The following STAM variants were observed in gnomAD, a reference collection of about 807,000 sequenced individuals.
The protein encoded by STAM is signal transducing adaptor molecule, also known as signal transducing adapter molecule 1.
Under a neutral mutation model 63.4 loss-of-function variants are expected in STAM, and 16 were observed. That is an observed-to-expected ratio of 0.25 (90% CI 0.17 to 0.38). The LOEUF (loss-of-function observed/expected upper bound fraction) is 0.38, where lower values mean the gene tolerates loss of function less well. Among genes scored for constraint, STAM ranks in the 10% least tolerant of loss-of-function variants. The pLI is 1.00. For missense variants in STAM, 636 were observed against 657.1 expected (o/e 0.97, Z 0.35); for synonymous variants, 238 against 223.9 (o/e 1.06, Z -0.56).
At chr10:17,650,914 A>T (rs1320714792) in intron 1 of STAM, among the ~76,000 whole-genome samples, 3 of 151,860 alleles carry the variant, frequency 2.0e-5, no homozygotes, top group African/African-American at 7.3e-5. Context: ...AAATACAAAA[A>T]ATTAGCCGGG....
At chr10:17,703,772 A>C (rs999564044) in intron 9 of STAM, among the ~76,000 whole-genome samples, 1 of 152,038 alleles carries the variant, frequency 6.6e-6, no homozygotes, top group Non-Finnish European at 1.5e-5. Flanking sequence ...TTTATGACCA[A>C]CTGAAACACT....
chr10:17,660,530 T>C lies in STAM; in HGVS notation c.107T>C (p.Val36Ala), dbSNP rs781891079. The C allele has an allele frequency of 2.5e-6, 4 of 1,605,134 alleles. No individual in the cohort carries two copies. The South Asian group carries it at 3.3e-5, about 13-fold the overall frequency. Residue 36 changes from valine to alanine, a missense_variant, in exon 2 of 14, where the codon GTT becomes GCT. Physicochemically the swap from Val to Ala is moderately conservative, Grantham distance 64. Around this residue, in one of 3 missense-constraint regions of STAM, gnomAD observed 87 missense variants for 80.3 expected, o/e 1.08. Transcript: ENST00000377524. ...CTCATTTTGGATATCTGTGATAAAG[T>C]TGGTCAGTCTCGCACTGGGTAAGTA... Reference protein sequence around the residue: ...WGLILDICDKVGQSRTGPKDC... With the variant: ...WGLILDICDKAGQSRTGPKDC...
At chr10:17,710,064 A>G (rs1224940724) in intron 13 of STAM, among the ~76,000 whole-genome samples, 1 of 151,562 alleles carries the variant, frequency 6.6e-6, no homozygotes, top group Non-Finnish European at 1.5e-5. Flanking sequence ...CTAGATACAA[A>G]GGGGCTAGAA....
intron 2 of STAM, among the ~76,000 whole-genome samples, chr10:17,666,047 GATTT>G (rs1554823346): frequency 1.3e-5 from 2 of 152,102 alleles, no homozygotes; most frequent in Admixed American, 1.3e-4. Flanking sequence ...AGTGTTGATT[GATTT>G]GTTTATATTT....
chr10:17,703,828 G>A (rs1836130525), intron 9 of STAM, among the ~76,000 whole-genome samples: 1 of 152,182 alleles, frequency 6.6e-6, no homozygotes, highest in Admixed American at 6.5e-5. Flanking sequence ...CCACTTAGAA[G>A]AGCAGCTGTG....
At position 17,704,505 on chromosome 10, in the gene STAM, G is replaced by T; in HGVS notation, c.987G>T (p.Leu329=). ...PSDDQPDLPE[L]LHLEAMCHQM... Reference sequence around the variant, plus strand: ...ATGATCAGCCAGACCTACCAGAGCTGCTTCATCTTGAAGGTAAAACTTTTC... The same window carrying T: ...ATGATCAGCCAGACCTACCAGAGCTTCTTCATCTTGAAGGTAAAACTTTTC... The change falls in exon 10 of 14, where the codon CTG becomes CTT. Residue 329 remains leucine (L), a synonymous_variant. Coordinates refer to ENST00000377524, the MANE Select transcript of STAM (RefSeq NM_003473.4). 2.5e-6 allele frequency: 4 copies of T among 1,614,038 alleles called. No homozygotes were observed. The highest frequency in any genetic ancestry group is 3.4e-6 in the Non-Finnish European group (4 of 1,179,944).
At chr10:17,674,812 A>G (rs1190177683) in intron 2 of STAM, among the ~76,000 whole-genome samples, 1 of 152,224 alleles carries the variant, frequency 6.6e-6, no homozygotes, top group Non-Finnish European at 1.5e-5. Context: ...GAGGCCTGTT[A>G]GTTCCATAAG....
chr10:17,646,436 C>T (rs537700744), intron 1 of STAM, among the ~76,000 whole-genome samples: 6 of 152,326 alleles, frequency 3.9e-5, no homozygotes, highest in South Asian at 2.1e-4. Context: ...CTTACAAAAT[C>T]CTCTAACTTA....
intron 11 of STAM, 107 bp from the exon 12 acceptor site, chr10:17,705,481 C>A: frequency 7.9e-7 from 1 of 1,258,338 alleles, no homozygotes; most frequent in Non-Finnish European, 1.1e-6. Context: ...TTAATAATGT[C>A]TACTAGTACT....
chr10:17,697,030 C>T (rs1835790671), intron 8 of STAM, among the ~76,000 whole-genome samples, 161 bp downstream of exon 8: 1 of 152,220 alleles, frequency 6.6e-6, no homozygotes, highest in Non-Finnish European at 1.5e-5. Context: ...GGTGATTCTC[C>T]TGCCTCAGCC....
At chr10:17,712,358 A>C (rs1836592663) in intron 13 of STAM, among the ~76,000 whole-genome samples, 1 of 152,186 alleles carries the variant, frequency 6.6e-6, no homozygotes, top group South Asian at 2.1e-4. Flanking sequence ...TATAGCCCAT[A>C]CCATTGTCAA....
At position 17,688,091 on chromosome 10, in the gene STAM, A is replaced by T; in HGVS notation, c.362A>T (p.Asn121Ile). The change falls in exon 5 of 14, where the codon AAT becomes ATT. Residue 121 changes from asparagine (N) to isoleucine (I), a missense_variant. Asn to Ile is a moderately radical substitution (Grantham distance 149). Around this residue, in one of 3 missense-constraint regions of STAM, gnomAD observed 532 missense variants for 536.9 expected, o/e 0.99. Coordinates refer to ENST00000377524, the MANE Select transcript of STAM (RefSeq NM_003473.4). ...LMVEWTDEFK[N>I]DPQLSLISAM... ...GTTGAATGGACAGATGAATTTAAGA[A>T]TGATCCACAGCTTAGTCTAATATCA... 2 of 1,611,040 alleles carry T rather than the reference A, an allele frequency of 1.2e-6. No individual in the cohort carries two copies. Among genetic ancestry groups the T allele is most frequent in the Non-Finnish European group, 1.7e-6 (2 of 1,178,564 alleles).
chr10:17,675,585 CTATGTT>C (rs1296563115), intron 2 of STAM, among the ~76,000 whole-genome samples: 2 of 151,546 alleles, frequency 1.3e-5, no homozygotes, highest in African/African-American at 4.9e-5. Flanking sequence ...GTTTGGACAA[CTATGTT>C]TATGTCACAG....
intron 2 of STAM, among the ~76,000 whole-genome samples, chr10:17,673,636 C>G (rs1834729419): frequency 6.6e-6 from 1 of 152,166 alleles, no homozygotes. Context: ...TTCAGCAGCC[C>G]TCATGATGGG....
chr10:17,707,728 TAAC>T (rs1223519382), intron 12 of STAM, among the ~76,000 whole-genome samples: 1 of 152,186 alleles, frequency 6.6e-6, no homozygotes, highest in Non-Finnish European at 1.5e-5. Context: ...GTCTGTCGTT[TAAC>T]AGAAGTGCTA....
At position 17,714,059 on chromosome 10, in the gene STAM, A is replaced by G. The variant is rs74118024; in HGVS notation, c.1386-484A>G. 7.8e-3 allele frequency among the ~76,000 whole-genome samples: 1,192 copies of G among 152,238 alleles called. 13 individuals carry two copies. The highest frequency in any genetic ancestry group is 0.027 in the African/African-American group (1,129 of 41,552). On this transcript the variant is annotated intron_variant, in intron 13 of 13. Transcript: ENST00000377524. ...AAAGGCTTCTTTCTGTTTACCTGAA[A>G]TGTACTTTCCTAGGGAATCTATCTG...
chr10:17,714,396 A>G (rs1836708382), intron 13 of STAM, 147 bp from the exon 14 acceptor site: 8 of 763,094 alleles, frequency 1.0e-5, no homozygotes, highest in Non-Finnish European at 1.7e-5. Flanking sequence ...CTAAAATAAC[A>G]ATGTTTGGCA....
intron 8 of STAM, among the ~76,000 whole-genome samples, chr10:17,698,756 G>A (rs1285922499): frequency 6.6e-6 from 1 of 152,040 alleles, no homozygotes; most frequent in African/African-American, 2.4e-5. Flanking sequence ...CACACACATA[G>A]TATTAGTTCC....
intron 1 of STAM, among the ~76,000 whole-genome samples, chr10:17,652,883 A>G (rs920860783): frequency 6.6e-6 from 1 of 152,166 alleles, no homozygotes; most frequent in Non-Finnish European, 1.5e-5. Flanking sequence ...GGTTTGCTGT[A>G]TATATTGGGT....
Sources: gnomAD v4.1 joint callset for allele counts (sites outside exome capture counted in the v4.1 genomes callset) on GRCh38, gnomAD v4.1.1 for gene constraint, gnomAD v4.1.1 regional missense constraint, MANE v1.5 for transcripts, NCBI Gene and HGNC (gene_info 2026-07-23, HGNC 2026-07-21) for gene names.